Variants in PDE4B observed in about 807,000 individuals in gnomAD.
PDE4B encodes the protein 3',5'-cyclic-AMP phosphodiesterase 4B.
PDE4B carries 20 observed loss-of-function variants against 82.2 expected under a neutral mutation model. The ratio of observed to expected loss-of-function variants is 0.24; its 90% CI spans 0.17 to 0.35. The LOEUF is 0.35. Ranked by LOEUF, PDE4B falls within the 10% of genes least tolerant of loss-of-function variation. PDE4B has a pLI of 1.00. For synonymous variants in PDE4B, 320 were observed against 318.9 expected (o/e 1.00, Z -0.04); for missense variants, 655 against 907.2 (o/e 0.72, Z 3.57).
intron 3 of PDE4B, among the ~76,000 whole-genome samples, chr1:66,098,915 G>A (rs1645167258): frequency 6.6e-6 from 1 of 152,098 alleles, no homozygotes. Context: ...TATAGATACA[G>A]TGAGAATTGA....
At chr1:66,244,193 C>T (rs549899013) in intron 3 of PDE4B, among the ~76,000 whole-genome samples, 33 of 151,868 alleles carry the variant, frequency 2.2e-4, no homozygotes, top group Middle Eastern at 3.4e-3. Context: ...AACTGTAGCA[C>T]ATAACAAATA....
intron 3 of PDE4B, among the ~76,000 whole-genome samples, chr1:66,083,218 TA>T (rs1372973306): frequency 6.6e-6 from 1 of 152,062 alleles, no homozygotes; most frequent in East Asian, 1.9e-4. Context: ...CCCTGTTCAG[TA>T]ACTTTAAATA....
chr1:66,078,913 G>A (rs1054242262), intron 3 of PDE4B, among the ~76,000 whole-genome samples: 15 of 152,022 alleles, frequency 9.9e-5, no homozygotes, highest in African/African-American at 2.9e-4. Flanking sequence ...GGATGGATGA[G>A]CATAAAGGAG....
intron 3 of PDE4B, among the ~76,000 whole-genome samples, chr1:66,044,690 GAAT>G (rs1250103634): frequency 3.3e-5 from 5 of 151,710 alleles, no homozygotes; most frequent in Non-Finnish European, 7.4e-5. Context: ...CATAAGATGT[GAAT>G]AATATTTTCC....
intron 3 of PDE4B, among the ~76,000 whole-genome samples, chr1:66,061,456 G>A (rs1311012845): frequency 1.3e-5 from 2 of 151,724 alleles, no homozygotes; most frequent in African/African-American, 4.8e-5. Context: ...GCTGGTGAAA[G>A]GCAAAAAGAC....
At chr1:66,181,749 G>A (rs1647067874) in intron 3 of PDE4B, among the ~76,000 whole-genome samples, 1 of 152,092 alleles carries the variant, frequency 6.6e-6, no homozygotes, top group Non-Finnish European at 1.5e-5. Flanking sequence ...GAATGAAAGG[G>A]AAGATGAGAT....
intron 3 of PDE4B, among the ~76,000 whole-genome samples, chr1:65,946,858 C>T (rs914856524): frequency 3.3e-5 from 5 of 151,960 alleles, no homozygotes; most frequent in Admixed American, 2.6e-4. Context: ...TTATATGTTG[C>T]ACCTCAACAT....
chr1:65,854,469 G>A (rs957368382), intron 1 of PDE4B, among the ~76,000 whole-genome samples: 41 of 149,330 alleles, frequency 2.7e-4, no homozygotes, highest in Non-Finnish European at 5.0e-4. Flanking sequence ...TTTTCTGAAT[G>A]TGTTTATTTT....
At chr1:66,087,799 A>G (rs1657088835) in intron 3 of PDE4B, among the ~76,000 whole-genome samples, 1 of 147,870 alleles carries the variant, frequency 6.8e-6, no homozygotes, top group East Asian at 2.0e-4. Flanking sequence ...ATTCTCACTC[A>G]AAGGTGGGAA....
chr1:65,913,068 T>C (rs541292412), intron 1 of PDE4B, among the ~76,000 whole-genome samples, 177 bp from the exon 2 acceptor site: 3 of 152,348 alleles, frequency 2.0e-5, no homozygotes, highest in African/African-American at 7.2e-5. Context: ...GATTTTTGTA[T>C]TAATATTTTG....
At chr1:66,261,697 C>G (rs578129887) in intron 6 of PDE4B, among the ~76,000 whole-genome samples, 1 of 152,300 alleles carries the variant, frequency 6.6e-6, no homozygotes, top group East Asian at 1.9e-4. Context: ...GTGGAAATCT[C>G]AAAGTTCCTG....
intron 1 of PDE4B, among the ~76,000 whole-genome samples, chr1:65,886,137 A>C (rs2100362376): frequency 6.6e-6 from 1 of 151,914 alleles, no homozygotes; most frequent in African/African-American, 2.4e-5. Flanking sequence ...AATTAAATAA[A>C]ATCTATTGTT....
At chr1:66,276,691 C>T (rs1240885785) in intron 7 of PDE4B, among the ~76,000 whole-genome samples, 2 of 152,192 alleles carry the variant, frequency 1.3e-5, no homozygotes, top group African/African-American at 4.8e-5. Flanking sequence ...ATACAAGGCA[C>T]TGTGTTAGCC....
chr1:66,064,728 G>A (rs1456103356), intron 3 of PDE4B, among the ~76,000 whole-genome samples: 1 of 151,916 alleles, frequency 6.6e-6, no homozygotes, highest in African/African-American at 2.4e-5. Flanking sequence ...ACTGCACTTT[G>A]CTTTCCCATC....
intron 8 of PDE4B, chr1:66,354,899 G>A (rs1426929283): frequency 2.6e-6 from 4 of 1,535,256 alleles, no homozygotes; most frequent in African/African-American, 1.4e-5. Context: ...ATCAAGGTGG[G>A]TTAATTTGAT....
chr1:65,980,085 G>A (rs958980085), intron 3 of PDE4B, among the ~76,000 whole-genome samples: 2 of 152,098 alleles, frequency 1.3e-5, no homozygotes, highest in Admixed American at 6.6e-5. Context: ...AGTGTGAGTC[G>A]CCATGAGACG....
chr1:66,106,849 C>A (rs1186501132), intron 3 of PDE4B, among the ~76,000 whole-genome samples: 1 of 99,590 alleles, frequency 1.0e-5, no homozygotes, highest in African/African-American at 3.1e-5. Context: ...ATTAGTCTTG[C>A]TAGCATTCTG....
At chr1:65,992,828 T>A in intron 3 of PDE4B, 1 of 1,525,008 alleles carries the variant, frequency 6.6e-7, no homozygotes. Context: ...GACTTATCAG[T>A]CTTCTGACCT....
chr1:66,250,986 G>C (rs1294197477), intron 4 of PDE4B, among the ~76,000 whole-genome samples: 1 of 152,170 alleles, frequency 6.6e-6, no homozygotes, highest in African/African-American at 2.4e-5. Flanking sequence ...TAAGAACCAA[G>C]AGGAAAAGCA....
Sources: allele counts gnomAD v4.1 joint callset (sites outside exome capture counted in the v4.1 genomes callset), GRCh38; gene constraint gnomAD v4.1.1; transcripts MANE v1.5; gene names NCBI Gene and HGNC (gene_info 2026-07-23, HGNC 2026-07-21).